MS4A10: variants seen among roughly 807,000 people sequenced by gnomAD.
MS4A10 encodes membrane-spanning 4-domains subfamily A member 10.
Under a neutral mutation model 27.7 loss-of-function variants are expected in MS4A10, and 27 were observed. The observed-to-expected ratio is 0.98, with a 90% CI of 0.72 to 1.35. The LOEUF is 1.35. Ranked by LOEUF, MS4A10 falls within the 40% of genes most tolerant of loss-of-function variation. The pLI, the probability that MS4A10 is intolerant of heterozygous loss-of-function variation, is 0.00. For missense variants in MS4A10, 338 were observed against 324.7 expected (o/e 1.04, Z -0.32); for synonymous variants, 139 against 131.2 (o/e 1.06, Z -0.41).
chr11:60,785,480 T>G (rs574333377), intron 1 of MS4A10, 59 bp downstream of exon 1: 9 of 152,212 alleles, frequency 5.9e-5, no homozygotes, highest in African/African-American at 2.2e-4. Context: ...CCATGTGGAG[T>G]TGGGGGGTTG....
chr11:60,800,872 C>G lies in MS4A10; in HGVS notation c.*963C>G, dbSNP rs1441240277. 6.7e-6 allele frequency: 1 copy of G among 149,900 alleles called. No homozygotes were observed. The highest frequency in any genetic ancestry group is 2.1e-4 in the East Asian group (1 of 4,874). The allele number at this position is 149,900 out of a possible 1,614,324, so 9.3% of individuals were successfully genotyped here. A position where few individuals can be genotyped will look rare whatever the true frequency, so the allele number is the denominator to read the frequency against. Reference sequence around the variant, plus strand: ...GCTGTGGTGCAATCTCGGCTCACTGCAACCTCTGCCTCCCGAGTTCAAGCA... The same window carrying G: ...GCTGTGGTGCAATCTCGGCTCACTGGAACCTCTGCCTCCCGAGTTCAAGCA... On this transcript the variant is annotated 3_prime_UTR_variant, in exon 8 of 8. Coordinates refer to ENST00000308287, the MANE Select transcript of MS4A10 (RefSeq NM_206893.4).
Position 60,795,557 on chromosome 11 carries a change from C to A in MS4A10, c.495C>A (p.Val165=). The change falls in exon 6 of 8, where the codon GTC becomes GTA. Residue 165 remains valine, a splice_region_variant and synonymous_variant. Coordinates refer to ENST00000308287, the MANE Select transcript of MS4A10 (RefSeq NM_206893.4). ...CTTCCTTCCCTCTACCCTCTCAGGT[C>A]CACATCCAGAGGCTGGAGCTGGCCT... ...PIWRMYPNST[V]HIQRLELALL... 6.5e-7 allele frequency: 1 copy of A among 1,546,354 alleles called. No individual in the cohort carries two copies. The highest frequency in any genetic ancestry group is 8.7e-7 in the Non-Finnish European group (1 of 1,146,184).
At chr11:60,793,884 A>C in intron 4 of MS4A10, 88 bp from the exon 5 acceptor site, 1 of 1,463,906 alleles carries the variant, frequency 6.8e-7, no homozygotes, top group Non-Finnish European at 9.4e-7. Context: ...CTGAGGCTAC[A>C]GAGGAAGCTA....
In MS4A10 at chr11:60,785,406, A is replaced by G. The variant is rs1854319068; in HGVS notation, c.-38A>G. On this transcript the variant is annotated 5_prime_UTR_variant, in exon 1 of 8. Transcript: ENST00000308287. ...AGCACAGCTGGAAGCTCAGAGCTGC[A>G]GTCCCAGGTCCTGGGGTGAGTGGTC... The G allele has an allele frequency of 6.6e-6, 1 of 152,350 alleles. No homozygotes were observed. Among genetic ancestry groups the G allele is most frequent in the Non-Finnish European group, 1.5e-5 (1 of 68,134 alleles). The allele number at this position is 152,350 out of a possible 1,614,324, so 9.4% of individuals were successfully genotyped here.
At chr11:60,786,672 T>C (rs546711007) in intron 1 of MS4A10, among the ~76,000 whole-genome samples, 104 of 152,146 alleles carry the variant, frequency 6.8e-4, no homozygotes, top group African/African-American at 2.2e-3. Flanking sequence ...CTCCAGATGA[T>C]AGGGATGGGG....
intron 7 of MS4A10, among the ~76,000 whole-genome samples, chr11:60,799,388 T>G (rs920357032): frequency 7.2e-5 from 11 of 152,004 alleles, no homozygotes; most frequent in Admixed American, 4.6e-4. Context: ...TGTATTCTGG[T>G]TTTTTTTCCA....
intron 1 of MS4A10, among the ~76,000 whole-genome samples, chr11:60,786,555 G>A (rs1363289199): frequency 6.6e-6 from 1 of 151,924 alleles, no homozygotes; most frequent in Non-Finnish European, 1.5e-5. Flanking sequence ...ATAGGGACAG[G>A]GTGTATCATG....
At chr11:60,786,432 G>A (rs1275187783) in intron 1 of MS4A10, among the ~76,000 whole-genome samples, 6 of 152,094 alleles carry the variant, frequency 3.9e-5, no homozygotes, top group African/African-American at 7.2e-5. Context: ...TACACTCAGT[G>A]CCTTTCTTCC....
intron 7 of MS4A10, among the ~76,000 whole-genome samples, chr11:60,799,506 T>A (rs1185237138): frequency 6.6e-6 from 1 of 152,128 alleles, no homozygotes; most frequent in African/African-American, 2.4e-5. Context: ...ATAACAAACA[T>A]GTGAAATAAA....
chr11:60,795,422 A>G, intron 5 of MS4A10, 133 bp from the exon 6 acceptor site: 1 of 467,504 alleles, frequency 2.1e-6, no homozygotes, highest in South Asian at 5.0e-5. Flanking sequence ...TTCCCCACGC[A>G]CACCTGGGAG....
At chr11:60,796,284 ATAACC>A (rs1271949710) in intron 6 of MS4A10, among the ~76,000 whole-genome samples, 7 of 152,054 alleles carry the variant, frequency 4.6e-5, no homozygotes, top group Admixed American at 2.0e-4. Flanking sequence ...TATCTTCTCA[ATAACC>A]CTTTTTCTTT....
chr11:60,786,623 C>G lies in MS4A10; in HGVS notation c.-23+1202C>G, dbSNP rs533111324. 1.2e-4 allele frequency among the ~76,000 whole-genome samples: 18 copies of G among 152,124 alleles called. 1 individual carries two copies. In the South Asian group the frequency reaches 1.2e-3, roughly 11 times the overall value. On this transcript the variant is annotated intron_variant, in intron 1 of 7. Coordinates refer to ENST00000308287, the MANE Select transcript of MS4A10 (RefSeq NM_206893.4). The stretch of plus-strand genomic sequence containing the variant: ...AGCCTCGCTCTCACAGCCCTCTCCC[C>G]CTGTAAGCAGGATGCAGATGGAGGC...
At chr11:60,798,025 C>G (rs1202827895) in intron 6 of MS4A10, among the ~76,000 whole-genome samples, 2 of 152,244 alleles carry the variant, frequency 1.3e-5, no homozygotes, top group Admixed American at 1.3e-4. Flanking sequence ...TTGGCAGACA[C>G]TGTTGGCATT....
chr11:60,790,449 G>T lies in MS4A10; in HGVS notation c.114G>T (p.Gln38His). The change falls in exon 2 of 8, where the codon CAG becomes CAT. Residue 38 changes from glutamine (Q) to histidine (H), a missense_variant. Physicochemically the swap from Gln to His is conservative, Grantham distance 24. Transcript: ENST00000308287. Reference sequence around the variant, plus strand: ...CAAGTGCACCCCAGAACACGACCCAGCCCAAGCTCCTGGCTCCACACCAGC... The same window carrying T: ...CAAGTGCACCCCAGAACACGACCCATCCCAAGCTCCTGGCTCCACACCAGC... The part of the protein sequence containing the change: ...WQTSAPQNTT[Q>H]PKLLAPHQHE... 1.9e-6 allele frequency: 3 copies of T among 1,614,168 alleles called. No individual in the cohort carries two copies. Among genetic ancestry groups the T allele is most frequent in the Non-Finnish European group, 2.5e-6 (3 of 1,180,030 alleles).
chr11:60,789,269 C>T (rs1353083000), intron 1 of MS4A10, among the ~76,000 whole-genome samples: 2 of 152,192 alleles, frequency 1.3e-5, no homozygotes, highest in African/African-American at 4.8e-5. Context: ...CTCATTAGCC[C>T]CATCCCCATG....
rs1420762617 is a variant in MS4A10 at position 60,795,665 on chromosome 11, G to A, written c.603G>A (p.Lys201=). ...TAWRGDCPSA[K]NDDACLVPNT... is the part of the protein sequence containing the mutation. ...GGAGAGGGGACTGCCCATCTGCAAA[G>A]GTAAGACAAGGGCTTGTCTTCCCAG... Residue 201 remains lysine (K), a splice_region_variant and synonymous_variant, in exon 6 of 8, where the codon AAG becomes AAA. Coordinates refer to ENST00000308287, the MANE Select transcript of MS4A10 (RefSeq NM_206893.4). 3 of 1,556,564 alleles carry A rather than the reference G, an allele frequency of 1.9e-6. No homozygotes were observed. The South Asian group carries it at 3.7e-5, about 19-fold the overall frequency.
chr11:60,788,830 C>T (rs889459233), intron 1 of MS4A10, among the ~76,000 whole-genome samples: 18 of 152,346 alleles, frequency 1.2e-4, no homozygotes, highest in African/African-American at 3.1e-4. Context: ...TAAGACCATG[C>T]GTGGTTCCAA....
Position 60,794,102 on chromosome 11 carries a change from C to G in MS4A10, c.491C>G (p.Thr164Arg). The G allele has an allele frequency of 1.2e-6, 2 of 1,614,064 alleles. No homozygotes were observed. The highest frequency in any genetic ancestry group is 1.7e-6 in the Non-Finnish European group (2 of 1,180,016). Reference protein sequence around the residue: ...SPIWRMYPNSTVHIQRLELAL... With the variant: ...SPIWRMYPNSRVHIQRLELAL... ...ATCTGGAGAATGTACCCCAACTCCA[C>G]GGTGAGTACCCAGGCCTGGAGGGCC... The change falls in exon 5 of 8, where the codon ACG (threonine) becomes AGG (arginine). Residue 164 changes from threonine (T) to arginine (R), a missense_variant and splice_region_variant. Coordinates refer to ENST00000308287, the MANE Select transcript of MS4A10 (RefSeq NM_206893.4).
intron 2 of MS4A10, 25 bp from the exon 3 acceptor site, chr11:60,790,949 C>G: frequency 6.2e-7 from 1 of 1,613,420 alleles, no homozygotes; most frequent in Non-Finnish European, 8.5e-7. Flanking sequence ...GCCCTCACCC[C>G]AGCCATTCTC....
Sources: allele counts gnomAD v4.1 joint callset (sites outside exome capture counted in the v4.1 genomes callset), GRCh38; gene constraint gnomAD v4.1.1; transcripts MANE v1.5; gene names NCBI Gene and HGNC (gene_info 2026-07-23, HGNC 2026-07-21).